DTWD2: variants seen among roughly 807,000 people sequenced by gnomAD.
The protein encoded by DTWD2 is DTW motif tRNA-uridine aminocarboxypropyltransferase 2.
DTWD2 carries 39 observed loss-of-function variants against 31.8 expected under a neutral mutation model. The ratio of observed to expected loss-of-function variants is 1.22; its 90% CI spans 0.95 to 1.60. The LOEUF (loss-of-function observed/expected upper bound fraction) is 1.60. Among genes scored for constraint, DTWD2 ranks in the 40% most tolerant of loss-of-function variants. The pLI is 0.00. For synonymous variants in DTWD2, 180 were observed against 142.8 expected (o/e 1.26, Z -1.86); for missense variants, 515 against 381.5 (o/e 1.35, Z -2.92).
chr5:118,934,702 A>G (rs1753998729), intron 3 of DTWD2, among the ~76,000 whole-genome samples: 1 of 152,200 alleles, frequency 6.6e-6, no homozygotes. Context: ...TCACTATGGT[A>G]TTCACTGGTA....
At chr5:118,858,311 T>G (rs1484228581) in intron 4 of DTWD2, among the ~76,000 whole-genome samples, 1 of 152,214 alleles carries the variant, frequency 6.6e-6, no homozygotes, top group Non-Finnish European at 1.5e-5. Flanking sequence ...CAGAAAAGAA[T>G]ATCTATATTC....
intron 1 of DTWD2, among the ~76,000 whole-genome samples, chr5:118,951,699 G>A (rs1754469496): frequency 6.6e-6 from 1 of 152,126 alleles, no homozygotes; most frequent in Non-Finnish European, 1.5e-5. Flanking sequence ...GAAGAAGGAG[G>A]AATGGAGGGT....
chr5:118,979,270 C>A (rs1400217577), intron 1 of DTWD2, among the ~76,000 whole-genome samples: 2 of 152,126 alleles, frequency 1.3e-5, no homozygotes, highest in Non-Finnish European at 2.9e-5. Context: ...TGCCACTGCA[C>A]TCCAGCCTGG....
chr5:118,854,550 T>C (rs1350642351), intron 4 of DTWD2, among the ~76,000 whole-genome samples: 1 of 152,100 alleles, frequency 6.6e-6, no homozygotes, highest in African/African-American at 2.4e-5. Flanking sequence ...ACATGTAATT[T>C]TTTAAATTAT....
At chr5:118,984,006 G>A (rs1158259064) in intron 1 of DTWD2, among the ~76,000 whole-genome samples, 1 of 152,080 alleles carries the variant, frequency 6.6e-6, no homozygotes, top group Non-Finnish European at 1.5e-5. Context: ...CAAAACCTAG[G>A]CTGGGCGCAG....
chr5:118,937,277 C>T (rs754991212), intron 3 of DTWD2, among the ~76,000 whole-genome samples: 2 of 151,138 alleles, frequency 1.3e-5, no homozygotes, highest in Non-Finnish European at 2.9e-5. Flanking sequence ...TTAAAACTCT[C>T]ATCATTTTAG....
At chr5:118,859,717 G>A (rs1250689020) in intron 4 of DTWD2, among the ~76,000 whole-genome samples, 5 of 152,134 alleles carry the variant, frequency 3.3e-5, no homozygotes, top group Admixed American at 3.3e-4. Context: ...ATAGAAGTTT[G>A]GTTTCAAGGT....
At chr5:118,987,179 C>A (rs1261130079) in intron 1 of DTWD2, among the ~76,000 whole-genome samples, 1 of 152,210 alleles carries the variant, frequency 6.6e-6, no homozygotes, top group Non-Finnish European at 1.5e-5. Context: ...GCTTCCCCAA[C>A]CCCCTCAGAC....
chr5:118,844,618 T>C (rs1301497041), intron 5 of DTWD2, among the ~76,000 whole-genome samples: 1 of 152,178 alleles, frequency 6.6e-6, no homozygotes, highest in Non-Finnish European at 1.5e-5. Context: ...GTACAAAAAA[T>C]TATGTGGTCT....
chr5:118,844,043 T>A (rs12186800), intron 5 of DTWD2, among the ~76,000 whole-genome samples: 31,926 of 152,168 alleles, frequency 0.21, 3,721 homozygotes, highest in African/African-American at 0.31. Context: ...AGTTCCTCCA[T>A]CAGGTTGGGT....
At chr5:118,975,418 A>G (rs906076553) in intron 1 of DTWD2, among the ~76,000 whole-genome samples, 6 of 152,098 alleles carry the variant, frequency 3.9e-5, no homozygotes, top group Admixed American at 6.6e-5. Context: ...TCTACTTAGC[A>G]ATTCGTCTAA....
chr5:118,872,558 G>A (rs748179046), intron 4 of DTWD2, among the ~76,000 whole-genome samples: 4 of 152,182 alleles, frequency 2.6e-5, no homozygotes, highest in Non-Finnish European at 4.4e-5. Flanking sequence ...AGGCCAGTAG[G>A]TGGAACAATC....
At chr5:118,970,587 C>G (rs766299226) in intron 1 of DTWD2, among the ~76,000 whole-genome samples, 6 of 152,130 alleles carry the variant, frequency 3.9e-5, no homozygotes, top group Non-Finnish European at 5.9e-5. Flanking sequence ...TCCAGGAGAA[C>G]TTCCCCAACC....
At chr5:118,874,128 G>A (rs868247275) in intron 4 of DTWD2, among the ~76,000 whole-genome samples, 7 of 152,106 alleles carry the variant, frequency 4.6e-5, no homozygotes, top group South Asian at 2.1e-4. Context: ...AAAACCAGTC[G>A]ACTGAATCCA....
chr5:118,852,332 C>G (rs1379461347), intron 4 of DTWD2, among the ~76,000 whole-genome samples: 1 of 152,120 alleles, frequency 6.6e-6, no homozygotes, highest in East Asian at 1.9e-4. Flanking sequence ...GATGTACATC[C>G]TCAGCTTATG....
rs1752860592 is a variant in DTWD2, at chr5:118,886,041, A to T, written c.598-37823T>A. Reference sequence around the variant, plus strand: ...GTGAAAAGAAAGGGGACCTTGGGGGAACTACCTAATAAGCCAGACCCATAC... The same window carrying T: ...GTGAAAAGAAAGGGGACCTTGGGGGTACTACCTAATAAGCCAGACCCATAC... On this transcript the variant is annotated intron_variant, in intron 4 of 5. Coordinates refer to ENST00000510708, the MANE Select transcript of DTWD2 (RefSeq NM_173666.4). Among the ~76,000 whole-genome samples the T allele has an allele frequency of 3.9e-5, 6 of 152,300 alleles. No individual in the cohort carries two copies. The South Asian group carries it at 1.2e-3, about 32-fold the overall frequency.
chr5:118,920,778 G>A (rs1468228965), intron 4 of DTWD2, among the ~76,000 whole-genome samples: 1 of 152,126 alleles, frequency 6.6e-6, no homozygotes, highest in Non-Finnish European at 1.5e-5. Flanking sequence ...ATATCTATGT[G>A]TTATTGTCAA....
intron 4 of DTWD2, among the ~76,000 whole-genome samples, chr5:118,882,479 C>A (rs1228456876): frequency 1.3e-5 from 2 of 152,250 alleles, no homozygotes; most frequent in Admixed American, 1.3e-4. Flanking sequence ...ACTGGGGACT[C>A]TGTGTGGGGG....
intron 4 of DTWD2, among the ~76,000 whole-genome samples, chr5:118,869,305 T>C (rs1459600006): frequency 6.6e-6 from 1 of 152,130 alleles, no homozygotes; most frequent in Non-Finnish European, 1.5e-5. Flanking sequence ...GGTGAGTGGA[T>C]GGGATCTGAT....
Sources: allele counts gnomAD v4.1 joint callset (sites outside exome capture counted in the v4.1 genomes callset), GRCh38; gene constraint gnomAD v4.1.1; transcripts MANE v1.5; gene names NCBI Gene and HGNC (gene_info 2026-07-23, HGNC 2026-07-21).